Variants in PRKG2 observed in about 807,000 individuals in gnomAD.
PRKG2 encodes the protein cGMP-dependent protein kinase 2.
Under a neutral mutation model 97.2 loss-of-function variants are expected in PRKG2, and 33 were observed. The ratio of observed to expected loss-of-function variants is 0.34; its 90% CI spans 0.26 to 0.45. PRKG2 has a LOEUF of 0.45. Among genes scored for constraint, PRKG2 ranks in the 20% least tolerant of loss-of-function variants. The probability of loss-of-function intolerance (pLI) is 1.00; values close to 1 mark genes in which losing one functional copy is unlikely to be tolerated. For missense variants in PRKG2, 638 were observed against 900.0 expected (o/e 0.71, Z 3.73); for synonymous variants, 330 against 321.8 (o/e 1.03, Z -0.27).
intron 14 of PRKG2, among the ~76,000 whole-genome samples, chr4:81,119,835 C>T (rs949358107): frequency 2.0e-5 from 3 of 151,996 alleles, no homozygotes; most frequent in Non-Finnish European, 4.4e-5. Flanking sequence ...CCACCATGCC[C>T]GGCTAATTTT....
chr4:81,135,046 A>C, intron 14 of PRKG2, 109 bp downstream of exon 14: 1 of 1,101,198 alleles, frequency 9.1e-7, no homozygotes, highest in Non-Finnish European at 1.3e-6. Flanking sequence ...ATACTGCCAA[A>C]GAGAGAATAA....
In PRKG2 at chr4:81,187,722, G is replaced by A. The variant is rs574348617; in HGVS notation, c.462-12763C>T. Among the ~76,000 whole-genome samples, 108 of 152,204 alleles carry A rather than the reference G, an allele frequency of 7.1e-4. No homozygotes were observed. In the South Asian group the frequency reaches 8.1e-3, roughly 11 times the overall value. ...GATTGTATATTTCGCAAACCCCATCGTCTCAGCCCAAAATCACCTTAAGCT... is the reference window on the plus strand; with the variant it reads ...GATTGTATATTTCGCAAACCCCATCATCTCAGCCCAAAATCACCTTAAGCT... On this transcript the variant is annotated intron_variant, in intron 2 of 18. Coordinates refer to ENST00000264399, the MANE Select transcript of PRKG2 (RefSeq NM_006259.3).
chr4:81,113,662 T>A (rs966861268), intron 14 of PRKG2, among the ~76,000 whole-genome samples: 3 of 152,098 alleles, frequency 2.0e-5, no homozygotes, highest in Admixed American at 2.0e-4. Context: ...GTCAGTAAAT[T>A]TGTCAGATAT....
intron 1 of PRKG2, among the ~76,000 whole-genome samples, chr4:81,207,964 G>T (rs1363604946): frequency 6.6e-6 from 1 of 152,110 alleles, no homozygotes; most frequent in African/African-American, 2.4e-5. Flanking sequence ...GCCACAAGGA[G>T]AAATGAACCA....
chr4:81,129,354 T>C (rs1396729368), intron 14 of PRKG2, among the ~76,000 whole-genome samples: 2 of 152,172 alleles, frequency 1.3e-5, no homozygotes, highest in African/African-American at 2.4e-5. Context: ...CAGCAATTCC[T>C]GAATATTAAA....
At chr4:81,177,020 A>G (rs1218030707) in intron 2 of PRKG2, among the ~76,000 whole-genome samples, 2 of 152,118 alleles carry the variant, frequency 1.3e-5, no homozygotes, top group Non-Finnish European at 2.9e-5. Flanking sequence ...ATCATCCCCT[A>G]TATCTTTGCC....
chr4:81,127,977 T>C lies in PRKG2; in HGVS notation c.1776+7178A>G, dbSNP rs200919540. On this transcript the variant is annotated intron_variant, in intron 14 of 18. Transcript: ENST00000264399. The stretch of plus-strand genomic sequence containing the variant: ...ATATAGGCTGTGGGTTTGTCATAAA[T>C]AGCTGTTATTATTTTGAGATACGTT... 9.8e-5 allele frequency among the ~76,000 whole-genome samples: 15 copies of C among 152,326 alleles called. No individual in the cohort carries two copies. The East Asian group carries it at 2.7e-3, about 27-fold the overall frequency.
chr4:81,096,319 A>C (rs1742111280), intron 17 of PRKG2, among the ~76,000 whole-genome samples: 1 of 152,016 alleles, frequency 6.6e-6, no homozygotes, highest in Non-Finnish European at 1.5e-5. Context: ...ATGTGGGAGG[A>C]TCTCTTGAGG....
chr4:81,175,183 G>A (rs78390973), intron 2 of PRKG2, among the ~76,000 whole-genome samples: 3,806 of 152,054 alleles, frequency 0.025, 164 homozygotes, highest in African/African-American at 0.087. Flanking sequence ...TAGTCATCAT[G>A]ACACCAATAT....
rs570303633 is a variant in PRKG2, at chr4:81,205,124, C to T, written c.-13-64G>A. 453 of 966,208 alleles carry T rather than the reference C, an allele frequency of 4.7e-4. 13 individuals carry two copies. In the South Asian group the frequency reaches 7.3e-3, roughly 16 times the overall value. 59.9% of individuals were successfully genotyped at this position (966,208 alleles called of 1,614,324 possible). ...TCACTTCCCAACAGTCCCCACCATT[C>T]CTCTCATTCCTATCTTGTTTCATAA... is the stretch of plus-strand genomic sequence containing the variant. On this transcript the variant is annotated intron_variant, in intron 1 of 18. Transcript: ENST00000264399.
intron 14 of PRKG2, among the ~76,000 whole-genome samples, chr4:81,113,576 T>C (rs995417114): frequency 6.6e-6 from 1 of 152,114 alleles, no homozygotes; most frequent in South Asian, 2.1e-4. Flanking sequence ...CATTCAGAAA[T>C]AGAAAAATTT....
At chr4:81,108,739 T>TG (rs1233991958) in intron 15 of PRKG2, among the ~76,000 whole-genome samples, 1 of 151,828 alleles carries the variant, frequency 6.6e-6, no homozygotes, top group African/African-American at 2.4e-5. Flanking sequence ...TGCAAAAAAA[T>TG]TTTAAAAATT....
At position 81,183,142 on chromosome 4, in the gene PRKG2, A is replaced by C. The variant is rs189348689; in HGVS notation, c.462-8183T>G. On this transcript the variant is annotated intron_variant, in intron 2 of 18. Coordinates refer to ENST00000264399, the MANE Select transcript of PRKG2 (RefSeq NM_006259.3). ...AAAATTATGATGAATGAAAATAATT[A>C]AGAGAATATATACTACTGGCACAAC... Among the ~76,000 whole-genome samples the C allele has an allele frequency of 1.0e-3, 154 of 152,336 alleles. 1 individual carries two copies. The highest frequency in any genetic ancestry group is 3.4e-3 in the Middle Eastern group (1 of 294).
At chr4:81,203,314 C>T (rs1036343254) in intron 2 of PRKG2, among the ~76,000 whole-genome samples, 1 of 152,070 alleles carries the variant, frequency 6.6e-6, no homozygotes, top group Non-Finnish European at 1.5e-5. Context: ...CTTTCAGTCA[C>T]AGGATATTAT....
At chr4:81,093,360 A>ACACAC (rs1741781646) in intron 17 of PRKG2, among the ~76,000 whole-genome samples, 4 of 116,282 alleles carry the variant, frequency 3.4e-5, no homozygotes, top group South Asian at 5.8e-4. Flanking sequence ...CTCCCCCACC[A>ACACAC]ACACACACAC....
chr4:81,092,477 G>GAAGGAAGA, intron 17 of PRKG2, 25 bp from the exon 18 acceptor site: 2 of 834,366 alleles, frequency 2.4e-6, no homozygotes, highest in East Asian at 2.5e-5. Context: ...AGGAAGGAAG[G>GAAGGAAGA]AAGGAAGGAA....
intron 8 of PRKG2, among the ~76,000 whole-genome samples, chr4:81,149,227 T>G (rs566248520): frequency 1.3e-5 from 2 of 152,256 alleles, no homozygotes; most frequent in Admixed American, 6.5e-5. Context: ...GGAATCTCAT[T>G]CTGAGCTTTG....
At chr4:81,101,460 G>GC (rs1305249518) in intron 17 of PRKG2, among the ~76,000 whole-genome samples, 1 of 150,634 alleles carries the variant, frequency 6.6e-6, no homozygotes, top group African/African-American at 2.4e-5. Flanking sequence ...GCAAACTATT[G>GC]CAAGGACAAA....
chr4:81,089,701 T>C lies in PRKG2; in HGVS notation c.*7A>G, dbSNP rs532433937. On this transcript the variant is annotated 3_prime_UTR_variant, in exon 19 of 19. Coordinates refer to ENST00000264399, the MANE Select transcript of PRKG2 (RefSeq NM_006259.3). ...TAGAGTACAGGCAGTAATCAACTTTTCTTCTGTCAGAAGTCTTTATCCCAG... is the reference window on the plus strand; with the variant it reads ...TAGAGTACAGGCAGTAATCAACTTTCCTTCTGTCAGAAGTCTTTATCCCAG... 22 of 1,584,148 alleles carry C rather than the reference T, an allele frequency of 1.4e-5. No homozygotes were observed. The East Asian group carries it at 4.5e-4, about 32-fold the overall frequency.
Sources: gnomAD v4.1 joint callset for allele counts (sites outside exome capture counted in the v4.1 genomes callset) on GRCh38, gnomAD v4.1.1 for gene constraint, MANE v1.5 for transcripts, NCBI Gene and HGNC (gene_info 2026-07-23, HGNC 2026-07-21) for gene names.